Variants in CBLIF observed in about 807,000 individuals in gnomAD.
CBLIF encodes cobalamin binding intrinsic factor.
A neutral mutation model predicts 44.9 loss-of-function variants in CBLIF; 24 were observed. That is an observed-to-expected ratio of 0.53 (90% CI 0.39 to 0.75). The LOEUF (loss-of-function observed/expected upper bound fraction) is 0.75, where lower values mean the gene tolerates loss of function less well. CBLIF is among the 30% of genes least tolerant of loss of function. CBLIF has a pLI of 0.00. For missense variants in CBLIF, 481 were observed against 513.0 expected (o/e 0.94, Z 0.60); for synonymous variants, 183 against 190.9 (o/e 0.96, Z 0.34).
chr11:59,838,848 C>CTTTTTTTTTTTTTT (rs1217612334), intron 5 of CBLIF, among the ~76,000 whole-genome samples: 5 of 130,542 alleles, frequency 3.8e-5, no homozygotes, highest in Admixed American at 7.9e-5. Context: ...TTCTTTCTTT[C>CTTTTTTTTTTTTTT]TTTTTTTTTT....
At chr11:59,836,694 C>T (rs910648336) in intron 6 of CBLIF, among the ~76,000 whole-genome samples, 2 of 152,172 alleles carry the variant, frequency 1.3e-5, no homozygotes, top group Non-Finnish European at 2.9e-5. Flanking sequence ...CAACTGGTCA[C>T]TATTTTTCTT....
rs1436361762 is a variant in CBLIF at position 59,837,192 on chromosome 11, G to T, written c.853C>A (p.Gln285Lys). The T allele has an allele frequency of 6.2e-7, 1 of 1,613,744 alleles. No homozygotes were observed. The highest frequency in any genetic ancestry group is 1.1e-5 in the South Asian group (1 of 91,072). ...LKGKTYLDVP[Q>K]VTCSPDHEVQ... ...GTCTTACCAGGACTACAAGTGACCT[G>T]GGGCACATCTAGGTATGTCTTGCCT... Residue 285 changes from glutamine (Q) to lysine (K), a missense_variant, in exon 6 of 9, where the codon CAG becomes AAG. Coordinates refer to ENST00000257248, the MANE Select transcript of CBLIF (RefSeq NM_005142.3).
chr11:59,839,029 A>G (rs1866489808), intron 5 of CBLIF, among the ~76,000 whole-genome samples: 1 of 151,694 alleles, frequency 6.6e-6, no homozygotes, highest in Non-Finnish European at 1.5e-5. Flanking sequence ...TTGTATTTTT[A>G]GTAGAGATGG....
chr11:59,842,415 C>T (rs1276491863), intron 4 of CBLIF, 28 bp downstream of exon 4: 1 of 1,612,506 alleles, frequency 6.2e-7, no homozygotes. Flanking sequence ...CTGATGTTCC[C>T]AGCTCGGGGT....
At position 59,829,578 on chromosome 11, in the gene CBLIF, T is replaced by C. The variant is rs754597117; in HGVS notation, c.1193-33A>G. ...TAAGCAGAGAATAACATGAGGTGAC[T>C]GTGGTGCATGTAACCACCTCCATCC... On this transcript the variant is annotated intron_variant, in intron 8 of 8. Transcript: ENST00000257248. 8.1e-6 allele frequency: 11 copies of C among 1,357,346 alleles called. 1 individual carries two copies. Among genetic ancestry groups the C allele is most frequent in the Non-Finnish European group, 1.1e-5 (10 of 945,838 alleles). The allele number at this position is 1,357,346 out of a possible 1,614,324, so 84.1% of individuals were successfully genotyped here.
intron 2 of CBLIF, among the ~76,000 whole-genome samples, chr11:59,843,543 G>T (rs552626567): frequency 1.3e-5 from 2 of 152,148 alleles, no homozygotes; most frequent in Non-Finnish European, 2.9e-5. Context: ...TAGTAGTAGG[G>T]TTATTGTTAC....
chr11:59,844,150 T>C (rs535134237), intron 1 of CBLIF, 95 bp from the exon 2 acceptor site: 107 of 1,042,952 alleles, frequency 1.0e-4, no homozygotes, highest in South Asian at 3.5e-4. Context: ...TTCTTTCTTT[T>C]TTTTTTGAGA....
intron 2 of CBLIF, among the ~76,000 whole-genome samples, 190 bp from the exon 3 acceptor site, chr11:59,843,331 C>T (rs1165233444): frequency 6.6e-6 from 1 of 152,022 alleles, no homozygotes; most frequent in African/African-American, 2.4e-5. Context: ...ATCTAGTGGC[C>T]TCTGTGTAAC....
At chr11:59,835,726 A>T (rs1866446495) in intron 7 of CBLIF, 82 bp downstream of exon 7, 1 of 1,167,348 alleles carries the variant, frequency 8.6e-7, no homozygotes, top group South Asian at 1.2e-5. Flanking sequence ...AAAAGGAAAA[A>T]AATTAGGAAA....
chr11:59,829,695 T>G, intron 8 of CBLIF, 150 bp from the exon 9 acceptor site: 1 of 680,596 alleles, frequency 1.5e-6, no homozygotes, highest in South Asian at 1.5e-5. Context: ...AGTTTGATTA[T>G]GAAGAGAAAA....
intron 6 of CBLIF, 141 bp downstream of exon 6, chr11:59,837,033 C>T (rs1189315547): frequency 6.9e-6 from 5 of 728,430 alleles, no homozygotes; most frequent in Non-Finnish European, 1.2e-5. Context: ...AGCACACACT[C>T]TTAAGGACTG....
chr11:59,834,250 TTCTTTC>T (rs1338146082), intron 7 of CBLIF, among the ~76,000 whole-genome samples: 1 of 85,868 alleles, frequency 1.2e-5, no homozygotes, highest in Non-Finnish European at 2.5e-5. Context: ...TTTTCTTTCT[TTCTTTC>T]TTTCTTTCTT....
At chr11:59,840,966 T>C in intron 5 of CBLIF, 177 bp downstream of exon 5, 1 of 651,974 alleles carries the variant, frequency 1.5e-6, no homozygotes, top group Non-Finnish European at 2.8e-6. Flanking sequence ...TAGGGAGGAA[T>C]TAACACTTAC....
chr11:59,837,120 T>C, intron 6 of CBLIF, 54 bp downstream of exon 6: 1 of 1,345,636 alleles, frequency 7.4e-7, no homozygotes, highest in Non-Finnish European at 1.1e-6. Context: ...GATCCACATG[T>C]CATTTCTGGC....
intron 7 of CBLIF, among the ~76,000 whole-genome samples, chr11:59,833,420 G>T (rs1402163212): frequency 6.6e-6 from 1 of 151,958 alleles, no homozygotes; most frequent in East Asian, 1.9e-4. Flanking sequence ...AGGAGGCTGA[G>T]GTAGGAGAAT....
rs189877539 is a variant in CBLIF at position 59,837,480 on chromosome 11, A to G, written c.694-129T>C. 1,323 of 746,754 alleles carry G rather than the reference A, an allele frequency of 1.8e-3. 2 individuals carry two copies. The highest frequency in any genetic ancestry group is 2.6e-3 in the Non-Finnish European group (1,088 of 418,560). The allele number at this position is 746,754 out of a possible 1,614,324, so 46.3% of individuals were successfully genotyped here. A position where few individuals can be genotyped will look rare whatever the true frequency, so the allele number is the denominator to read the frequency against. On this transcript the variant is annotated intron_variant, in intron 5 of 8. Transcript: ENST00000257248. Reference sequence around the variant, plus strand: ...ACGTAGTCACCCAGAATGCAAAGCCAATGCTATGTAAGGTTTGGAAAACAT... The same window carrying G: ...ACGTAGTCACCCAGAATGCAAAGCCGATGCTATGTAAGGTTTGGAAAACAT...
At chr11:59,843,547 T>C (rs982963425) in intron 2 of CBLIF, among the ~76,000 whole-genome samples, 1 of 152,208 alleles carries the variant, frequency 6.6e-6, no homozygotes, top group Non-Finnish European at 1.5e-5. Flanking sequence ...AGTAGGGTTA[T>C]TGTTACTACA....
intron 7 of CBLIF, 24 bp from the exon 8 acceptor site, chr11:59,831,820 T>A: frequency 9.4e-7 from 1 of 1,064,362 alleles, no homozygotes; most frequent in Non-Finnish European, 1.5e-6. Context: ...TATATATGAT[T>A]AACATCTCAC....
intron 6 of CBLIF, among the ~76,000 whole-genome samples, chr11:59,836,350 A>G (rs1866456525): frequency 6.6e-6 from 1 of 152,160 alleles, no homozygotes; most frequent in African/African-American, 2.4e-5. Flanking sequence ...AAGTTCATGC[A>G]ATGCAAGAGG....
Sources: allele counts gnomAD v4.1 joint callset (sites outside exome capture counted in the v4.1 genomes callset), GRCh38; gene constraint gnomAD v4.1.1; transcripts MANE v1.5; gene names NCBI Gene and HGNC (gene_info 2026-07-23, HGNC 2026-07-21).